SNX18: variants seen among roughly 807,000 people sequenced by gnomAD.
SNX18 encodes sorting nexin 18.
In SNX18, 35 loss-of-function variants were observed where a neutral mutation model predicts 48.7. The ratio of observed to expected loss-of-function variants is 0.72; its 90% CI spans 0.55 to 0.95. SNX18 has a LOEUF of 0.95. Among genes scored for constraint, SNX18 ranks in the 40% least tolerant of loss-of-function variants. SNX18 has a pLI of 0.00. For missense variants in SNX18, 824 were observed against 871.0 expected, an observed-to-expected ratio of 0.95 and a Z score of 0.68; for synonymous variants, 492 against 384.7, an observed-to-expected ratio of 1.28 and a Z score of -3.26.
At chr5:54,522,242 G>T (rs2112837986) in intron 1 of SNX18, among the ~76,000 whole-genome samples, 1 of 152,306 alleles carries the variant, frequency 6.6e-6, no homozygotes, top group South Asian at 2.1e-4. Context: ...CAGGATAAAA[G>T]CTTTCTGAGC....
the SNX18 span, among the ~76,000 whole-genome samples, chr5:54,563,655 C>A: frequency 6.6e-6 from 1 of 152,144 alleles, no homozygotes; most frequent in Non-Finnish European, 1.5e-5. Flanking sequence ...AGTGGCCCCA[C>A]CTGATGCTCC....
chr5:54,616,812 C>T, the SNX18 span, among the ~76,000 whole-genome samples: 2 of 152,172 alleles, frequency 1.3e-5, no homozygotes, highest in South Asian at 4.1e-4. Flanking sequence ...AAAGCAAACA[C>T]AATGTCAGAT....
chr5:54,581,275 A>G, the SNX18 span, among the ~76,000 whole-genome samples: 1 of 152,174 alleles, frequency 6.6e-6, no homozygotes, highest in Non-Finnish European at 1.5e-5. Context: ...GGGAAGATTC[A>G]TGTGGTTCCA....
At chr5:54,639,805 AG>A in the SNX18 span, among the ~76,000 whole-genome samples, 7 of 142,548 alleles carry the variant, frequency 4.9e-5, no homozygotes, top group Non-Finnish European at 9.1e-5. Flanking sequence ...GATTTTCTGA[AG>A]GGGCCTCCTG....
chr5:54,524,437 C>A (rs2565007), intron 1 of SNX18, among the ~76,000 whole-genome samples: 79,324 of 152,026 alleles, frequency 0.52, 20,936 homozygotes, highest in Non-Finnish European at 0.55. Flanking sequence ...CCTTGTTCAG[C>A]AATGTTGTCC....
the SNX18 span, among the ~76,000 whole-genome samples, chr5:54,605,735 C>A: frequency 6.6e-6 from 1 of 152,200 alleles, no homozygotes; most frequent in East Asian, 1.9e-4. Flanking sequence ...TCGCAGCTCA[C>A]TGAAGCCTCG....
chr5:54,593,460 A>T, the SNX18 span, among the ~76,000 whole-genome samples: 1 of 152,232 alleles, frequency 6.6e-6, no homozygotes, highest in African/African-American at 2.4e-5. Flanking sequence ...TTGTTAAGAC[A>T]TTAATTATCC....
chr5:54,637,788 C>A, the SNX18 span, among the ~76,000 whole-genome samples: 1 of 152,120 alleles, frequency 6.6e-6, no homozygotes, highest in Non-Finnish European at 1.5e-5. Flanking sequence ...TGGTGCCGGG[C>A]CCTCTGGAGG....
At chr5:54,609,903 G>T in the SNX18 span, among the ~76,000 whole-genome samples, 1 of 152,020 alleles carries the variant, frequency 6.6e-6, no homozygotes, top group East Asian at 1.9e-4. Context: ...AGCATCATCT[G>T]CTTGGTACTG....
chr5:54,628,820 C>G, the SNX18 span, among the ~76,000 whole-genome samples: 3 of 152,226 alleles, frequency 2.0e-5, no homozygotes, highest in Admixed American at 2.0e-4. Flanking sequence ...CGTGCTGCAG[C>G]TTTGGCCTTA....
the SNX18 span, among the ~76,000 whole-genome samples, chr5:54,595,684 T>C: frequency 6.6e-6 from 1 of 152,202 alleles, no homozygotes. Flanking sequence ...ACCATTCCAA[T>C]GGGACACACG....
the SNX18 span, among the ~76,000 whole-genome samples, chr5:54,621,553 G>T: frequency 6.6e-6 from 1 of 152,198 alleles, no homozygotes; most frequent in Non-Finnish European, 1.5e-5. Flanking sequence ...CCAGGGAGGA[G>T]ACACAACATC....
At chr5:54,642,196 T>C in the SNX18 span, among the ~76,000 whole-genome samples, 1 of 152,194 alleles carries the variant, frequency 6.6e-6, no homozygotes, top group African/African-American at 2.4e-5. Flanking sequence ...CGGGTCACAA[T>C]GCTCCTGTAA....
At chr5:54,626,413 C>A in the SNX18 span, among the ~76,000 whole-genome samples, 1 of 152,060 alleles carries the variant, frequency 6.6e-6, no homozygotes, top group Non-Finnish European at 1.5e-5. Flanking sequence ...CACCTTGGCT[C>A]CCAGAGTGCT....
the SNX18 span, among the ~76,000 whole-genome samples, chr5:54,620,903 T>C: frequency 2.6e-5 from 4 of 152,218 alleles, no homozygotes; most frequent in African/African-American, 7.2e-5. Flanking sequence ...AGCAGTCATA[T>C]TGGATTAGGG....
chr5:54,646,509 G>A, the SNX18 span, among the ~76,000 whole-genome samples: 2 of 152,230 alleles, frequency 1.3e-5, no homozygotes, highest in Admixed American at 6.5e-5. Context: ...GAGGCTTGAA[G>A]GCTTTTTATA....
At position 54,519,275 on chromosome 5, in the gene SNX18, C is replaced by T. The variant is rs776178439; in HGVS notation, c.1323C>T (p.Ser441=). 11 of 1,614,020 alleles carry T rather than the reference C, an allele frequency of 6.8e-6. No individual in the cohort carries two copies. Among genetic ancestry groups the T allele is most frequent in the Admixed American group, 5.0e-5 (3 of 60,004 alleles). Reference sequence around the variant, plus strand: ...GCTTCACCAAGAAGATGGACGACAGCGCGCTGCAGCTCAACCACACGGCCA... The same window carrying T: ...GCTTCACCAAGAAGATGGACGACAGTGCGCTGCAGCTCAACCACACGGCCA... ...FKCFTKKMDD[S]ALQLNHTANE... The change falls in exon 1 of 2, where the codon AGC becomes AGT. Residue 441 remains serine (S), a synonymous_variant. Coordinates refer to ENST00000381410, the MANE Select transcript of SNX18 (RefSeq NM_001102575.2).
At chr5:54,559,941 C>A in the SNX18 span, among the ~76,000 whole-genome samples, 1 of 151,994 alleles carries the variant, frequency 6.6e-6, no homozygotes, top group Non-Finnish European at 1.5e-5. Flanking sequence ...ATGCAGCCAA[C>A]AAGCATATGA....
the SNX18 span, among the ~76,000 whole-genome samples, chr5:54,560,363 G>T: frequency 0.74 from 112,230 of 152,060 alleles, 41,842 homozygotes; most frequent in Non-Finnish European, 0.79. Flanking sequence ...CTTAGCAAAC[G>T]AATATAGGAA....
Sources: allele counts gnomAD v4.1 joint callset (sites outside exome capture counted in the v4.1 genomes callset), GRCh38; gene constraint gnomAD v4.1.1; transcripts MANE v1.5; gene names NCBI Gene and HGNC (gene_info 2026-07-23, HGNC 2026-07-21).